HSPA12A: variants seen among roughly 807,000 people sequenced by gnomAD.
The protein encoded by HSPA12A is heat shock protein family A (Hsp70) member 12A, also known as heat shock 70 kDa protein 12A.
HSPA12A carries 28 observed loss-of-function variants against 69.2 expected under a neutral mutation model. The observed-to-expected ratio is 0.40, with a 90% CI of 0.30 to 0.55. The LOEUF is 0.55. Among genes scored for constraint, HSPA12A ranks in the 20% least tolerant of loss-of-function variants. The pLI, the probability that HSPA12A is intolerant of heterozygous loss-of-function variation, is 0.38. For missense variants in HSPA12A, 686 were observed against 900.7 expected (o/e 0.76, Z 3.05); for synonymous variants, 345 against 370.5 (o/e 0.93, Z 0.79).
chr10:116,808,496 G>A (rs1845111958), intron 2 of HSPA12A, among the ~76,000 whole-genome samples: 1 of 152,216 alleles, frequency 6.6e-6, no homozygotes, highest in African/African-American at 2.4e-5. Flanking sequence ...GATTTCCATG[G>A]TGGGCATTTC....
chr10:116,844,870 A>T (rs1162257897), intron 1 of HSPA12A, among the ~76,000 whole-genome samples: 1 of 152,256 alleles, frequency 6.6e-6, no homozygotes, highest in African/African-American at 2.4e-5. Context: ...AAATGAACAA[A>T]TACGTCTTTA....
At chr10:116,687,267 AC>A (rs1231950535) in intron 6 of HSPA12A, among the ~76,000 whole-genome samples, 1 of 152,150 alleles carries the variant, frequency 6.6e-6, no homozygotes, top group African/African-American at 2.4e-5. Context: ...TCCCCACTGT[AC>A]CAAGATGAGG....
At chr10:116,703,686 A>G (rs1850146082) in intron 3 of HSPA12A, among the ~76,000 whole-genome samples, 1 of 152,256 alleles carries the variant, frequency 6.6e-6, no homozygotes, top group Non-Finnish European at 1.5e-5. Flanking sequence ...GGGATGATAA[A>G]TTCTGGGCTT....
At chr10:116,790,713 CAG>C (rs563271918) in intron 2 of HSPA12A, among the ~76,000 whole-genome samples, 26 of 152,164 alleles carry the variant, frequency 1.7e-4, no homozygotes, top group Admixed American at 1.2e-3. Context: ...TTTATTGAGA[CAG>C]AGTCTCACTC....
chr10:116,819,353 T>C (rs1456494797), intron 2 of HSPA12A, among the ~76,000 whole-genome samples: 1 of 152,190 alleles, frequency 6.6e-6, no homozygotes, highest in Non-Finnish European at 1.5e-5. Flanking sequence ...ATAGGAGGGT[T>C]CCGTGGTCTG....
chr10:116,802,861 C>T (rs997600319), intron 2 of HSPA12A, among the ~76,000 whole-genome samples: 2 of 152,224 alleles, frequency 1.3e-5, no homozygotes, highest in South Asian at 4.1e-4. Flanking sequence ...CAAGTCTGAA[C>T]AGAAGTTTGA....
chr10:116,795,553 G>T (rs371592071), intron 2 of HSPA12A, among the ~76,000 whole-genome samples: 1 of 150,518 alleles, frequency 6.6e-6, no homozygotes, highest in Non-Finnish European at 1.5e-5. Flanking sequence ...AGGCGTGGTG[G>T]AACGTGCCTG....
intron 2 of HSPA12A, among the ~76,000 whole-genome samples, chr10:116,806,815 A>C (rs979722160): frequency 6.6e-6 from 1 of 152,236 alleles, no homozygotes; most frequent in African/African-American, 2.4e-5. Context: ...GTGGCCCCCC[A>C]AAAGATATAT....
At chr10:116,754,451 T>G (rs1843786105) in intron 2 of HSPA12A, among the ~76,000 whole-genome samples, 1 of 152,206 alleles carries the variant, frequency 6.6e-6, no homozygotes, top group Admixed American at 6.5e-5. Flanking sequence ...ATCAAAATAT[T>G]AAACTTTTTA....
intron 2 of HSPA12A, among the ~76,000 whole-genome samples, chr10:116,787,469 G>T (rs1208504750): frequency 6.8e-6 from 1 of 147,330 alleles, no homozygotes; most frequent in Non-Finnish European, 1.5e-5. Flanking sequence ...AAAAACCACA[G>T]GCGCCTTCTG....
In HSPA12A at chr10:116,820,522, C is replaced by A. The variant is rs141580438; in HGVS notation, c.91+14413G>T. Among the ~76,000 whole-genome samples the A allele has an allele frequency of 3.3e-5, 5 of 152,224 alleles. No individual in the cohort carries two copies. The East Asian group carries it at 7.8e-4, about 24-fold the overall frequency. On this transcript the variant is annotated intron_variant, in intron 2 of 12. Coordinates refer to the HSPA12A transcript ENST00000635765. Reference sequence around the variant, plus strand: ...TCAGCCCTCATCAGACGTGGCCAGTCACCACCCTCTCCTCTTCATTTGCTT... The same window carrying A: ...TCAGCCCTCATCAGACGTGGCCAGTAACCACCCTCTCCTCTTCATTTGCTT...
intron 2 of HSPA12A, among the ~76,000 whole-genome samples, chr10:116,802,448 A>T (rs1321612890): frequency 6.6e-6 from 1 of 152,246 alleles, no homozygotes; most frequent in Non-Finnish European, 1.5e-5. Flanking sequence ...TTCTGTGAGC[A>T]GGGGAACACT....
chr10:116,763,077 G>A (rs1564811421), intron 2 of HSPA12A, among the ~76,000 whole-genome samples: 1 of 152,146 alleles, frequency 6.6e-6, no homozygotes, highest in Admixed American at 6.5e-5. Context: ...GCTACATCAT[G>A]GTCACCTCTA....
chr10:116,827,863 G>A (rs1212232897), intron 2 of HSPA12A, among the ~76,000 whole-genome samples: 1 of 152,218 alleles, frequency 6.6e-6, no homozygotes, highest in Non-Finnish European at 1.5e-5. Context: ...CTCTGCGGCA[G>A]ACGGTGGAAG....
At chr10:116,798,670 A>G (rs1036763567) in intron 2 of HSPA12A, among the ~76,000 whole-genome samples, 1 of 152,150 alleles carries the variant, frequency 6.6e-6, no homozygotes, top group Non-Finnish European at 1.5e-5. Context: ...CCATTGGCCT[A>G]GATGGTCAGA....
Position 116,683,959 on chromosome 10 carries a change from C to A in HSPA12A, c.667G>T (p.Gly223Cys). 1 of 1,570,532 alleles carries A rather than the reference C, an allele frequency of 6.4e-7. No individual in the cohort carries two copies. The highest frequency in any genetic ancestry group is 8.7e-7 in the Non-Finnish European group (1 of 1,150,842). The change falls in exon 7 of 12, where the codon GGC (glycine) becomes TGC (cysteine). Residue 223 changes from glycine to cysteine, a missense_variant. Gly to Cys is a radical substitution (Grantham distance 159). Transcript: ENST00000369209. ...QFMRQAAYQAGLASPENSEQL... is the reference protein window; with the variant it reads ...QFMRQAAYQACLASPENSEQL... ...TCCGAGTTCTCGGGGGAGGCCAGGC[C>A]TGCCTGGAAGACAGAAACAGAGGCT...
intron 7 of HSPA12A, among the ~76,000 whole-genome samples, chr10:116,682,465 G>C (rs566176438): frequency 2.5e-4 from 38 of 150,676 alleles, no homozygotes; most frequent in East Asian, 1.0e-3. Flanking sequence ...TGGGGGGGGG[G>C]GCCATTTCCT....
At chr10:116,819,725 T>C (rs1845376037) in intron 2 of HSPA12A, among the ~76,000 whole-genome samples, 1 of 152,222 alleles carries the variant, frequency 6.6e-6, no homozygotes, top group East Asian at 1.9e-4. Flanking sequence ...CAGAGAATGA[T>C]GGCAACGTGG....
intron 2 of HSPA12A, among the ~76,000 whole-genome samples, chr10:116,783,859 C>T (rs781835727): frequency 3.3e-5 from 5 of 152,108 alleles, no homozygotes; most frequent in African/African-American, 9.7e-5. Flanking sequence ...TGTGCCACCA[C>T]GCCCAGCTAC....
Sources: gnomAD v4.1 joint callset for allele counts (sites outside exome capture counted in the v4.1 genomes callset) on GRCh38, gnomAD v4.1.1 for gene constraint, MANE v1.5 for transcripts, NCBI Gene and HGNC (gene_info 2026-07-23, HGNC 2026-07-21) for gene names.